SUGCT: variants seen among roughly 807,000 people sequenced by gnomAD.
SUGCT encodes the protein succinyl-CoA:glutarate CoA-transferase.
SUGCT carries 41 observed loss-of-function variants against 55.0 expected under a neutral mutation model. That is an observed-to-expected ratio of 0.74 (90% confidence interval 0.58 to 0.97). The LOEUF is 0.97. Among genes scored for constraint, SUGCT ranks in the 50% least tolerant of loss-of-function variants. SUGCT has a pLI of 0.00. For missense variants in SUGCT, 568 were observed against 547.8 expected (o/e 1.04, Z -0.37); for synonymous variants, 187 against 200.4 (o/e 0.93, Z 0.56).
chr7:40,760,907 A>T (rs1042644330), intron 13 of SUGCT, among the ~76,000 whole-genome samples: 11 of 152,252 alleles, frequency 7.2e-5, no homozygotes, highest in African/African-American at 2.7e-4. Context: ...CTCAGCACAT[A>T]GAAGGATTAA....
rs1156323915 is a variant in SUGCT at position 40,496,290 on chromosome 7, A to C, written c.993A>C (p.Glu331Asp). The change falls in exon 12 of 14, where the codon GAA becomes GAC. Residue 331 changes from glutamate to aspartate, a missense_variant. Coordinates refer to ENST00000335693, the MANE Select transcript of SUGCT (RefSeq NM_001193313.2). The part of the protein sequence containing the change: ...ELIKILSERF[E>D]EELTSKWLYL... ...TCCTTGTTTGTCTTCTTAGGTTTGA[A>C]GAAGAACTGACCAGCAAGTGGTTAT... 8 of 1,610,460 alleles carry C rather than the reference A, an allele frequency of 5.0e-6. No individual in the cohort carries two copies. Among genetic ancestry groups the C allele is most frequent in the Non-Finnish European group, 6.8e-6 (8 of 1,177,854 alleles).
chr7:40,565,985 A>G (rs948517429), intron 12 of SUGCT, among the ~76,000 whole-genome samples: 1 of 95,278 alleles, frequency 1.0e-5, no homozygotes, highest in African/African-American at 5.1e-5. Context: ...ACACACACAC[A>G]CACACACGCA....
chr7:40,349,732 G>A lies in SUGCT; in HGVS notation c.816+32877G>A, dbSNP rs1797513770. On this transcript the variant is annotated intron_variant, in intron 9 of 13. Coordinates refer to ENST00000335693, the MANE Select transcript of SUGCT (RefSeq NM_001193313.2). ...CTGTTGCCCAGGCTGTAGTGCAGTG[G>A]CACGATCATGGCTCACAGCAGTCTC... 3.3e-5 allele frequency among the ~76,000 whole-genome samples: 5 copies of A among 152,296 alleles called. No individual in the cohort carries two copies. The South Asian group carries it at 1.0e-3, about 32-fold the overall frequency.
intron 2 of SUGCT, 116 bp from the exon 3 acceptor site, chr7:40,181,827 CAGTTTTAACTGT>C (rs1382329592): frequency 1.1e-5 from 6 of 570,604 alleles, no homozygotes; most frequent in Non-Finnish European, 1.9e-5. Flanking sequence ...GGCCAAATTA[CAGTTTTAACTGT>C]TTTGATTCTT....
intron 12 of SUGCT, among the ~76,000 whole-genome samples, chr7:40,717,691 G>A (rs536333993): frequency 6.6e-6 from 1 of 152,198 alleles, no homozygotes; most frequent in African/African-American, 2.4e-5. Flanking sequence ...ATAAATTATA[G>A]CATATCTATG....
chr7:40,668,765 A>G (rs978154381), intron 12 of SUGCT, among the ~76,000 whole-genome samples: 3 of 152,178 alleles, frequency 2.0e-5, no homozygotes, highest in Non-Finnish European at 2.9e-5. Context: ...AAGAACACCA[A>G]AAGACAAGGA....
intron 12 of SUGCT, among the ~76,000 whole-genome samples, chr7:40,621,552 C>T (rs1054862765): frequency 9.2e-5 from 14 of 152,240 alleles, no homozygotes; most frequent in Non-Finnish European, 1.6e-4. Flanking sequence ...TGTCGGCCTG[C>T]AGATCAGCCC....
At chr7:40,509,402 G>A (rs1359889076) in intron 12 of SUGCT, among the ~76,000 whole-genome samples, 1 of 152,072 alleles carries the variant, frequency 6.6e-6, no homozygotes, top group Non-Finnish European at 1.5e-5. Context: ...ATGGTATTTG[G>A]CTGTACCCTT....
At chr7:40,358,322 A>T (rs769464778) in intron 9 of SUGCT, among the ~76,000 whole-genome samples, 3 of 152,210 alleles carry the variant, frequency 2.0e-5, no homozygotes, top group Admixed American at 2.0e-4. Flanking sequence ...AGAGCATATT[A>T]TTTTGCGTAA....
In SUGCT at chr7:40,493,881, T is replaced by A. The variant is rs141751301; in HGVS notation, c.987-2403T>A. Among the ~76,000 whole-genome samples the A allele has an allele frequency of 4.9e-3, 746 of 152,284 alleles. 8 individuals carry two copies. The highest frequency in any genetic ancestry group is 0.017 in the African/African-American group (697 of 41,556). On this transcript the variant is annotated intron_variant, in intron 11 of 13. Transcript: ENST00000335693. ...ATTTTTAGAAAAAAAATGATGGATA[T>A]GTCCTCTGAGAGCAGTGGAATGCAA... is the stretch of plus-strand genomic sequence containing the variant.
the SUGCT span, among the ~76,000 whole-genome samples, chr7:41,024,398 A>G: frequency 1.3e-5 from 2 of 152,154 alleles, no homozygotes; most frequent in African/African-American, 2.4e-5. Context: ...ATCCAAACTT[A>G]GTGAAAAAGC....
intron 6 of SUGCT, among the ~76,000 whole-genome samples, chr7:40,229,281 G>A (rs1788574719): frequency 6.6e-6 from 1 of 152,186 alleles, no homozygotes; most frequent in South Asian, 2.1e-4. Flanking sequence ...CAGTTTGGGA[G>A]GCCAAGGCGG....
intron 1 of SUGCT, among the ~76,000 whole-genome samples, chr7:40,171,603 C>T (rs943332856): frequency 2.0e-5 from 3 of 152,220 alleles, no homozygotes; most frequent in African/African-American, 4.8e-5. Context: ...TAGTAAGCTA[C>T]GTTTTTGCTT....
At chr7:40,220,824 T>C (rs1331301449) in intron 6 of SUGCT, among the ~76,000 whole-genome samples, 1 of 152,212 alleles carries the variant, frequency 6.6e-6, no homozygotes, top group Non-Finnish European at 1.5e-5. Flanking sequence ...ACAAAATGTT[T>C]TGACATAATC....
intron 13 of SUGCT, among the ~76,000 whole-genome samples, chr7:40,846,509 G>A (rs1468719651): frequency 6.6e-6 from 1 of 152,042 alleles, no homozygotes; most frequent in Non-Finnish European, 1.5e-5. Flanking sequence ...ATTTCCTTAT[G>A]GGCCATATAT....
chr7:40,450,745 G>A (rs1789144583), intron 10 of SUGCT, among the ~76,000 whole-genome samples: 1 of 151,520 alleles, frequency 6.6e-6, no homozygotes, highest in Admixed American at 6.6e-5. Context: ...CTGCACTCAA[G>A]CCTAGGTGAC....
chr7:40,272,188 A>ATG (rs1792103833), intron 7 of SUGCT, among the ~76,000 whole-genome samples: 1 of 71,030 alleles, frequency 1.4e-5, no homozygotes, highest in Non-Finnish European at 2.7e-5. Context: ...ATATATATAT[A>ATG]TATATACAGG....
rs182737573 is a variant in SUGCT at position 40,779,745 on chromosome 7, A to G, written c.1153+30248A>G. On this transcript the variant is annotated intron_variant, in intron 13 of 13. Transcript: ENST00000335693. ...AAGTTTTAAACTCTTCATTCCCACAATAGCTTTGCTGGGGTTTGCTGCCAT... is the reference window on the plus strand; with the variant it reads ...AAGTTTTAAACTCTTCATTCCCACAGTAGCTTTGCTGGGGTTTGCTGCCAT... Among the ~76,000 whole-genome samples the G allele has an allele frequency of 1.1e-4, 17 of 152,330 alleles. No individual in the cohort carries two copies. In the East Asian group the frequency reaches 2.7e-3, roughly 24 times the overall value.
intron 13 of SUGCT, among the ~76,000 whole-genome samples, chr7:40,814,662 A>G (rs1237251069): frequency 6.6e-6 from 1 of 151,662 alleles, no homozygotes; most frequent in South Asian, 2.1e-4. Context: ...CTTCCTTGCA[A>G]TCCATGCTTT....
Sources: gnomAD v4.1 joint callset for allele counts (sites outside exome capture counted in the v4.1 genomes callset) on GRCh38, gnomAD v4.1.1 for gene constraint, MANE v1.5 for transcripts, NCBI Gene and HGNC (gene_info 2026-07-23, HGNC 2026-07-21) for gene names.